Variants in ARHGEF4 observed in about 807,000 individuals in gnomAD.
The protein encoded by ARHGEF4 is Rho guanine nucleotide exchange factor 4.
In ARHGEF4, 119 loss-of-function variants were observed where a neutral mutation model predicts 162.0. The observed-to-expected ratio is 0.73, with a 90% CI of 0.63 to 0.86. ARHGEF4 has a LOEUF of 0.86. ARHGEF4 is among the 40% of genes least tolerant of loss of function. The pLI is 0.00. For missense variants in ARHGEF4, 2,488 were observed against 2,456.0 expected, an observed-to-expected ratio of 1.01 and a Z score of -0.28; for synonymous variants, 1,014 against 979.9, an observed-to-expected ratio of 1.03 and a Z score of -0.65.
At position 130,916,488 on chromosome 2, in the gene ARHGEF4, C is replaced by G. The variant is rs983515828; in HGVS notation, c.2542C>G (p.Leu848Val). ...TGCGGCCGGTCGGGACGCACCGCCT[C>G]TGCACCACGGGGACGCCAGCGCCTG... Reference protein sequence around the residue: ...PAAAGRDAPPLHHGDASAWPE... With the variant: ...PAAAGRDAPPVHHGDASAWPE... The change falls in exon 2 of 14, where the codon CTG becomes GTG. Residue 848 changes from leucine to valine, a missense_variant. Coordinates refer to ENST00000409359, the MANE Select transcript of ARHGEF4 (RefSeq NM_001367493.1). 6.5e-6 allele frequency: 10 copies of G among 1,547,210 alleles called. No homozygotes were observed. The Admixed American group carries it at 2.0e-4, about 30-fold the overall frequency.
At chr2:131,030,590 GGGGAGGCTGGCTCCTGTCC>G (rs995636023) in intron 5 of ARHGEF4, among the ~76,000 whole-genome samples, 2 of 152,228 alleles carry the variant, frequency 1.3e-5, no homozygotes, top group Admixed American at 1.3e-4. Context: ...GGCTGGTGCT[GGGGAGGCTGGCTCCTGTCC>G]CAGATGGCAT....
intron 4 of ARHGEF4, among the ~76,000 whole-genome samples, chr2:130,967,794 G>T (rs1315424132): frequency 1.3e-5 from 2 of 152,216 alleles, no homozygotes; most frequent in Admixed American, 1.3e-4. Flanking sequence ...CAGAGGTTCT[G>T]AGTTATTCCA....
chr2:130,896,089 A>C (rs1261608710), intron 1 of ARHGEF4, among the ~76,000 whole-genome samples: 1 of 152,304 alleles, frequency 6.6e-6, no homozygotes, highest in East Asian at 1.9e-4. Flanking sequence ...ATATGGTTAC[A>C]GTTCCAGTAT....
At chr2:130,882,873 G>A (rs951077127) in intron 1 of ARHGEF4, among the ~76,000 whole-genome samples, 5 of 152,012 alleles carry the variant, frequency 3.3e-5, no homozygotes, top group African/African-American at 1.2e-4. Flanking sequence ...TCCCCCGAGG[G>A]ACAGGGACAT....
At chr2:130,926,042 TTCTTTC>T (rs1682244654) in intron 2 of ARHGEF4, among the ~76,000 whole-genome samples, 1 of 112,832 alleles carries the variant, frequency 8.9e-6, no homozygotes, top group African/African-American at 4.9e-5. Flanking sequence ...CTTTCTTTCT[TTCTTTC>T]TCTTTCTTTC....
intron 2 of ARHGEF4, among the ~76,000 whole-genome samples, chr2:130,920,983 C>A (rs905257302): frequency 6.6e-6 from 1 of 152,026 alleles, no homozygotes; most frequent in African/African-American, 2.4e-5. Flanking sequence ...CATGAAACAC[C>A]ACATCCCCCA....
At chr2:130,889,105 C>CAAA (rs70994719) in intron 1 of ARHGEF4, among the ~76,000 whole-genome samples, 1 of 124,750 alleles carries the variant, frequency 8.0e-6, no homozygotes, top group African/African-American at 2.9e-5. Flanking sequence ...AACTCCATCT[C>CAAA]AAAAAAAAAA....
chr2:130,988,891 TATATATATATAGAGAGAGAGAG>T (rs1305509782), intron 4 of ARHGEF4, among the ~76,000 whole-genome samples: 25 of 116,262 alleles, frequency 2.2e-4, no homozygotes, highest in African/African-American at 6.7e-4. Flanking sequence ...TATATATATA[TATATATATATAGAGAGAGAGAG>T]AGAGAGAGAG....
At chr2:131,012,490 A>G (rs1189337943) in intron 4 of ARHGEF4, among the ~76,000 whole-genome samples, 1 of 151,716 alleles carries the variant, frequency 6.6e-6, no homozygotes, top group Non-Finnish European at 1.5e-5. Context: ...CACAGGCCTC[A>G]GAGTGGGGAT....
intron 2 of ARHGEF4, among the ~76,000 whole-genome samples, chr2:130,922,477 A>C (rs576182963): frequency 6.6e-6 from 1 of 152,178 alleles, no homozygotes; most frequent in African/African-American, 2.4e-5. Context: ...GAGAGGCTCA[A>C]ATTTTTTAAA....
intron 1 of ARHGEF4, among the ~76,000 whole-genome samples, chr2:130,854,590 C>T (rs558855595): frequency 2.2e-4 from 34 of 152,202 alleles, no homozygotes; most frequent in Non-Finnish European, 4.6e-4. Context: ...ACCCAACCCA[C>T]GCTATAGGGT....
At chr2:131,017,003 C>T (rs1264538091) in intron 4 of ARHGEF4, among the ~76,000 whole-genome samples, 1 of 152,234 alleles carries the variant, frequency 6.6e-6, no homozygotes, top group Non-Finnish European at 1.5e-5. Flanking sequence ...GAGCTCTTAG[C>T]TGCTGTGCTG....
intron 2 of ARHGEF4, among the ~76,000 whole-genome samples, chr2:130,927,016 C>A (rs1353311718): frequency 6.6e-6 from 1 of 150,764 alleles, no homozygotes; most frequent in African/African-American, 2.4e-5. Flanking sequence ...TTGGGGTTGG[C>A]ATGTCTCTGG....
intron 10 of ARHGEF4, 95 bp from the exon 11 acceptor site, chr2:131,043,357 C>T (rs532479941): frequency 5.9e-5 from 92 of 1,553,200 alleles, no homozygotes; most frequent in Middle Eastern, 1.7e-4. Context: ...CAGGCAAGGC[C>T]AGGGGGAGGT....
chr2:130,878,672 C>G (rs1679013893), intron 1 of ARHGEF4, among the ~76,000 whole-genome samples: 1 of 152,218 alleles, frequency 6.6e-6, no homozygotes, highest in Non-Finnish European at 1.5e-5. Context: ...CAGGGATACT[C>G]AGGGCCACGG....
chr2:131,015,369 A>G (rs543405416), intron 4 of ARHGEF4, among the ~76,000 whole-genome samples: 21 of 152,316 alleles, frequency 1.4e-4, no homozygotes, highest in African/African-American at 5.1e-4. Context: ...CCTGAAACAG[A>G]AAAAGGCCAT....
intron 1 of ARHGEF4, among the ~76,000 whole-genome samples, chr2:130,842,596 A>G (rs1680682172): frequency 6.6e-6 from 1 of 152,148 alleles, no homozygotes; most frequent in Non-Finnish European, 1.5e-5. Flanking sequence ...TTCTCCCACA[A>G]AGCACCCAGT....
chr2:130,838,682 C>T lies in ARHGEF4; in HGVS notation c.39+1690C>T, dbSNP rs151133005. ...GGAGGGAGGGAAGGAAGGAAAGAAA[C>T]GTGAGTGTGTTTATGAAGTGGTGAG... On this transcript the variant is annotated intron_variant, in intron 1 of 13. Coordinates refer to ENST00000409359, the MANE Select transcript of ARHGEF4 (RefSeq NM_001367493.1). 5.1e-3 allele frequency among the ~76,000 whole-genome samples: 771 copies of T among 152,032 alleles called. 12 individuals carry two copies. The highest frequency in any genetic ancestry group is 6.8e-3 in the Middle Eastern group (2 of 294).
At chr2:130,917,612 T>C in intron 2 of ARHGEF4, 114 bp downstream of exon 2, 1 of 1,374,356 alleles carries the variant, frequency 7.3e-7, no homozygotes, top group Non-Finnish European at 9.6e-7. Context: ...AGGCCAAAAT[T>C]GCCCCCGTTA....
Sources: gnomAD v4.1 joint callset for allele counts (sites outside exome capture counted in the v4.1 genomes callset) on GRCh38, gnomAD v4.1.1 for gene constraint, MANE v1.5 for transcripts, NCBI Gene and HGNC (gene_info 2026-07-23, HGNC 2026-07-21) for gene names.